Variants in VARS1 observed in about 807,000 individuals in gnomAD.
VARS1 encodes the protein valyl-tRNA synthetase 1.
VARS1 carries 92 observed loss-of-function variants against 161.0 expected under a neutral mutation model. The observed-to-expected ratio is 0.57, with a 90% CI of 0.48 to 0.68. The LOEUF is 0.68. Among genes scored for constraint, VARS1 ranks in the 30% least tolerant of loss-of-function variants. VARS1 has a pLI of 0.00. For synonymous variants in VARS1, 595 were observed against 682.5 expected, an observed-to-expected ratio of 0.87 and a Z score of 2.00; for missense variants, 1,338 against 1,695.9, an observed-to-expected ratio of 0.79 and a Z score of 3.71.
chr6:31,785,235 C>T lies in VARS1; in HGVS notation c.1347+11G>A. 2 of 1,613,052 alleles carry T rather than the reference C, an allele frequency of 1.2e-6. No individual in the cohort carries two copies. Among genetic ancestry groups the T allele is most frequent in the Non-Finnish European group, 1.7e-6 (2 of 1,179,992 alleles). On this transcript the variant is annotated intron_variant, in intron 10 of 29. Transcript: ENST00000375663. This position sits in a 1 kb window ranked among gnomAD's most constrained non-coding sequence, Gnocchi z 6.1. ...TACTCCTGCCCCAGCTTTGACACTC[C>T]TCCCACGCACAGGGTCCATGGTGAA...
Position 31,779,125 on chromosome 6 carries a change from G to A in VARS1, c.3568C>T (p.Gln1190Ter). Reference sequence around the variant, plus strand: ...GCAGGGTCCACCAGCCCCTGAAGCTGCAGGTGGATGGAGCAGCGATCAGAA... The same window carrying A: ...GCAGGGTCCACCAGCCCCTGAAGCTACAGGTGGATGGAGCAGCGATCAGAA... ...LASDRCSIHL[Q>*]LQGLVDPARE... The change falls in exon 29 of 30, where the codon CAG becomes TAG. Residue 1190 changes from glutamine to a stop codon, truncating the protein, a stop_gained. Coordinates refer to ENST00000375663, the MANE Select transcript of VARS1 (RefSeq NM_006295.3). LOFTEE classifies it high-confidence loss of function. This position sits in a 1 kb window ranked among gnomAD's most constrained non-coding sequence, Gnocchi z 9.1. The A allele has an allele frequency of 6.2e-7, 1 of 1,607,672 alleles. No homozygotes were observed. Among genetic ancestry groups the A allele is most frequent in the Non-Finnish European group, 8.5e-7 (1 of 1,177,140 alleles).
intron 8 of VARS1, among the ~76,000 whole-genome samples, chr6:31,787,992 C>T (rs904835297): frequency 6.6e-6 from 1 of 151,008 alleles, no homozygotes; most frequent in Non-Finnish European, 1.5e-5. Flanking sequence ...TGGTGGTGGG[C>T]TCCTATAGTC....
rs1429088519 is a variant in VARS1 at position 31,777,750 on chromosome 6, C to T, written c.3727-88G>A. On this transcript the variant is annotated intron_variant, in intron 29 of 29. Transcript: ENST00000375663. This position sits in a 1 kb window ranked among gnomAD's most constrained non-coding sequence, Gnocchi z 5.8. ...AGGACAACAAAGTTGGAAAGATGAG[C>T]GAGGACCATGGGAGGTCAGTAGCTC... 4.7e-6 allele frequency: 7 copies of T among 1,492,724 alleles called. No homozygotes were observed. The highest frequency in any genetic ancestry group is 6.4e-6 in the Non-Finnish European group (7 of 1,092,982). 92.5% of individuals were successfully genotyped at this position (1,492,724 alleles called of 1,614,324 possible).
At position 31,791,622 on chromosome 6, in the gene VARS1, G is replaced by C; in HGVS notation, c.1088C>G (p.Ser363Cys). 4 of 1,611,748 alleles carry C rather than the reference G, an allele frequency of 2.5e-6. No homozygotes were observed. Among genetic ancestry groups the C allele is most frequent in the Non-Finnish European group, 3.4e-6 (4 of 1,179,232 alleles). The change falls in exon 8 of 30, where the codon TCC (serine) becomes TGC (cysteine). Residue 363 changes from serine to cysteine, a missense_variant. Physicochemically the swap from Ser to Cys is moderately radical, Grantham distance 112 (BLOSUM62 -1). Around this residue, in one of 3 missense-constraint regions of VARS1, gnomAD observed 902 missense variants for 1,090.3 expected, o/e 0.83. Coordinates refer to ENST00000375663, the MANE Select transcript of VARS1 (RefSeq NM_006295.3). The surrounding 1 kb of genome is among the most constrained non-coding windows in gnomAD (Gnocchi z 5.0). ...GHALTNAIQD[S>C]LTRWHRMRGE... is the part of the protein sequence containing the mutation. ...GATAGAAGCTCACCATCGAGTCAGG[G>C]AGTCCTGGATGGCGTTGGTGAGTGC...
Position 31,781,427 on chromosome 6 carries a change from G to C in VARS1, c.2544+54C>G. 3 of 1,598,410 alleles carry C rather than the reference G, an allele frequency of 1.9e-6. No homozygotes were observed. The highest frequency in any genetic ancestry group is 2.2e-5 in the South Asian group (2 of 89,598). On this transcript the variant is annotated intron_variant, in intron 21 of 29. Coordinates refer to ENST00000375663, the MANE Select transcript of VARS1 (RefSeq NM_006295.3). The surrounding 1 kb of genome is among the most constrained non-coding windows in gnomAD (Gnocchi z 6.8). ...CACGCGGGGTCTGCGCTGCAGCACA[G>C]GACGGTAGGAGAGGAGGCTGGGGGC...
chr6:31,793,082 C>A lies in VARS1; in HGVS notation c.426G>T (p.Leu142Phe). 1 of 1,612,562 alleles carries A rather than the reference C, an allele frequency of 6.2e-7. No homozygotes were observed. Among genetic ancestry groups the A allele is most frequent in the Non-Finnish European group, 8.5e-7 (1 of 1,179,918 alleles). The change falls in exon 3 of 30, where the codon TTG (leucine) becomes TTT (phenylalanine). Residue 142 changes from leucine to phenylalanine, a missense_variant. Leu to Phe is a conservative substitution (Grantham distance 22). Coordinates refer to ENST00000375663, the MANE Select transcript of VARS1 (RefSeq NM_006295.3). ...LGALGRALSPLEEWLRLHTYL... is the reference protein window; with the variant it reads ...LGALGRALSPFEEWLRLHTYL... Reference sequence around the variant, plus strand: ...AGGTGTGCAGCCGAAGCCACTCCTCCAAGGGGCTCAGGGCCCTGCCCAGGG... The same window carrying A: ...AGGTGTGCAGCCGAAGCCACTCCTCAAAGGGGCTCAGGGCCCTGCCCAGGG...
rs765943997 is a variant in VARS1, at chr6:31,781,937, A to G, written c.2257T>C (p.Tyr753His). 3.1e-6 allele frequency: 5 copies of G among 1,612,912 alleles called. No individual in the cohort carries two copies. The highest frequency in any genetic ancestry group is 4.2e-6 in the Non-Finnish European group (5 of 1,179,992). Residue 753 changes from tyrosine (Y) to histidine (H), a missense_variant, in exon 19 of 30, where the codon TAC becomes CAC. Around this residue, in one of 3 missense-constraint regions of VARS1, gnomAD observed 902 missense variants for 1,090.3 expected, o/e 0.83. Transcript: ENST00000375663. This position sits in a 1 kb window ranked among gnomAD's most constrained non-coding sequence, Gnocchi z 6.8. The part of the protein sequence containing the change: ...VPPGEDPDGR[Y>H]WVSGRNEAEA... ...GCCTCATTGCGTCCACTCACCCAGTACCGCCCATCAGGGTCCTGCCACAGG... is the reference window on the plus strand; with the variant it reads ...GCCTCATTGCGTCCACTCACCCAGTGCCGCCCATCAGGGTCCTGCCACAGG...
rs1813867679 is a variant in VARS1 at position 31,791,538 on chromosome 6, G to A, written c.1100+72C>T. ...CCAACCCAGAAGGAGAGAGGCTCGG[G>A]GGGCTGTCAGGGAAAAGGAGAGAGC... On this transcript the variant is annotated intron_variant, in intron 8 of 29. Coordinates refer to ENST00000375663, the MANE Select transcript of VARS1 (RefSeq NM_006295.3). This position sits in a 1 kb window ranked among gnomAD's most constrained non-coding sequence, Gnocchi z 5.0. 2 of 1,532,124 alleles carry A rather than the reference G, an allele frequency of 1.3e-6. No individual in the cohort carries two copies. Among genetic ancestry groups the A allele is most frequent in the Non-Finnish European group, 8.8e-7 (1 of 1,140,364 alleles). The allele number at this position is 1,532,124 out of a possible 1,614,324, so 94.9% of individuals were successfully genotyped here.
At chr6:31,786,638 C>T (rs1276435831) in intron 8 of VARS1, among the ~76,000 whole-genome samples, 1 of 135,162 alleles carries the variant, frequency 7.4e-6, no homozygotes, top group African/African-American at 2.8e-5. Flanking sequence ...TGCACTCCAG[C>T]CCGGATGACA....
In VARS1 at chr6:31,779,460, C is replaced by T. The variant is rs772625826; in HGVS notation, c.3365G>A (p.Arg1122Gln). The T allele has an allele frequency of 5.6e-6, 9 of 1,612,590 alleles. No individual in the cohort carries two copies. The highest frequency in any genetic ancestry group is 2.2e-5 in the South Asian group (2 of 91,078). Residue 1122 changes from arginine (R) to glutamine (Q), a missense_variant, in exon 28 of 30, where the codon CGG (arginine) becomes CAG (glutamine). Around this residue, in one of 3 missense-constraint regions of VARS1, gnomAD observed 433 missense variants for 586.2 expected, o/e 0.74. Transcript: ENST00000375663. This position sits in a 1 kb window ranked among gnomAD's most constrained non-coding sequence, Gnocchi z 9.1. ...LSITRAVRSL[R>Q]ADYNLTRIRP... ...GATCCGGGTGAGGTTGTAGTCGGCC[C>T]GCAGGGAGCGCACGGCTCGCGTGAT...
In VARS1 at chr6:31,778,517, GTT is replaced by G. The variant is rs565263152; in HGVS notation, c.3726+448_3726+449del. ...CCAGGATTGGTTTTTGTTTTGTTTTGTTTTTTTTCCAGACAGGGTCTTCTCTC... is the reference window on the plus strand; with the variant it reads ...CCAGGATTGGTTTTTGTTTTGTTTTGTTTTTTCCAGACAGGGTCTTCTCTC... On this transcript the variant is annotated intron_variant, in intron 29 of 29. Coordinates refer to ENST00000375663, the MANE Select transcript of VARS1 (RefSeq NM_006295.3). This position sits in a 1 kb window ranked among gnomAD's most constrained non-coding sequence, Gnocchi z 5.1. Among the ~76,000 whole-genome samples the G allele has an allele frequency of 6.6e-6, 1 of 151,804 alleles. No individual in the cohort carries two copies. The highest frequency in any genetic ancestry group is 6.6e-5 in the Admixed American group (1 of 15,242).
chr6:31,794,999 C>A lies in VARS1; in HGVS notation c.219G>T (p.Thr73=). ...CTGGCCACAGCAGCTGGGCCACAGC[C>A]GTGGCCCCCCACACCCAGAGCCCAC... is the stretch of plus-strand genomic sequence containing the variant. The part of the protein sequence containing the change: ...GPGGLWVWGA[T]AVAQLLWPAG... Residue 73 remains threonine (T), a synonymous_variant, in exon 2 of 30, where the codon ACG becomes ACT. Transcript: ENST00000375663. 6.2e-7 allele frequency: 1 copy of A among 1,605,960 alleles called. No homozygotes were observed. The highest frequency in any genetic ancestry group is 8.5e-7 in the Non-Finnish European group (1 of 1,175,654).
rs760368252 is a variant in VARS1 at position 31,781,704 on chromosome 6, C to A, written c.2405G>T (p.Gly802Val). The change falls in exon 20 of 30, where the codon GGC (glycine) becomes GTC (valine). Residue 802 changes from glycine to valine, a missense_variant. Gly to Val is a moderately radical substitution (Grantham distance 109, BLOSUM62 -3). Around this residue, in one of 3 missense-constraint regions of VARS1, gnomAD observed 902 missense variants for 1,090.3 expected, o/e 0.83. Coordinates refer to ENST00000375663, the MANE Select transcript of VARS1 (RefSeq NM_006295.3). This position sits in a 1 kb window ranked among gnomAD's most constrained non-coding sequence, Gnocchi z 6.8. ...CCAGGAACACACCTGGTTGGGCCAG[C>A]CCAAAATGGATAAGGGGAAGAGGCC... ...SSGLFPLSIL[G>V]WPNQSEDLSV... is the part of the protein sequence containing the mutation. The A allele has an allele frequency of 5.6e-6, 9 of 1,612,912 alleles. No individual in the cohort carries two copies. Among genetic ancestry groups the A allele is most frequent in the Non-Finnish European group, 7.6e-6 (9 of 1,180,012 alleles).
At position 31,784,697 on chromosome 6, in the gene VARS1, C is replaced by T; in HGVS notation, c.1365G>A (p.Val455=). The change falls in exon 11 of 30, where the codon GTG becomes GTA. Residue 455 remains valine, a synonymous_variant. Coordinates refer to ENST00000375663, the MANE Select transcript of VARS1 (RefSeq NM_006295.3). This position sits in a 1 kb window ranked among gnomAD's most constrained non-coding sequence, Gnocchi z 6.1. ...CGTGAAGCCGGACAAAGGCCTCTGT[C>T]ACAGCTGCTGAGAGTTTCTGGGGTG... ...FTMDPKLSAA[V]TEAFVRLHEE... The T allele has an allele frequency of 6.2e-7, 1 of 1,613,008 alleles. No homozygotes were observed. The highest frequency in any genetic ancestry group is 8.5e-7 in the Non-Finnish European group (1 of 1,180,032).
In VARS1 at chr6:31,784,174, T is replaced by C; in HGVS notation, c.1671+40A>G. On this transcript the variant is annotated intron_variant, in intron 13 of 29. Coordinates refer to ENST00000375663, the MANE Select transcript of VARS1 (RefSeq NM_006295.3). This position sits in a 1 kb window ranked among gnomAD's most constrained non-coding sequence, Gnocchi z 6.1. ...CACCCCATAAGGATGGGAGCCCTTT[T>C]TGGCCAGAACTCCTTCCCTAACTGT... The C allele has an allele frequency of 6.2e-7, 1 of 1,612,118 alleles. No individual in the cohort carries two copies.
In VARS1 at chr6:31,782,579, C is replaced by A. The variant is rs1220185975; in HGVS notation, c.1942G>T (p.Gly648Ter). ...KAVLVALKER[G>*]LFRGIEDNPM... ...TTGTCCTCAATGCCACGGAACAGTC[C>A]CCGCTCCTTCAGCGCCACCAGCACC... Residue 648 changes from glycine (G) to a stop codon, truncating the protein, a stop_gained, in exon 16 of 30, where the codon GGA becomes TGA. Coordinates refer to ENST00000375663, the MANE Select transcript of VARS1 (RefSeq NM_006295.3). LOFTEE classifies it high-confidence loss of function. This position sits in a 1 kb window ranked among gnomAD's most constrained non-coding sequence, Gnocchi z 8.3. The A allele has an allele frequency of 6.2e-7, 1 of 1,613,098 alleles. No individual in the cohort carries two copies. The highest frequency in any genetic ancestry group is 2.2e-5 in the East Asian group (1 of 44,890).
At position 31,783,146 on chromosome 6, in the gene VARS1, C is replaced by T. The variant is rs763341394; in HGVS notation, c.1712G>A (p.Arg571Gln). ...TTCATCGAAGACAATGGGAAGGCTC[C>T]GAGACAGGAATGGGTGGATCACGTT... is the stretch of plus-strand genomic sequence containing the variant. ...GKNVIHPFLS[R>Q]SLPIVFDEFV... Residue 571 changes from arginine (R) to glutamine (Q), a missense_variant, in exon 14 of 30, where the codon CGG becomes CAG. Physicochemically the swap from Arg to Gln is conservative, Grantham distance 43. Around this residue, in one of 3 missense-constraint regions of VARS1, gnomAD observed 902 missense variants for 1,090.3 expected, o/e 0.83. Coordinates refer to ENST00000375663, the MANE Select transcript of VARS1 (RefSeq NM_006295.3). The T allele has an allele frequency of 5.0e-6, 8 of 1,612,780 alleles. No homozygotes were observed. The highest frequency in any genetic ancestry group is 4.5e-5 in the East Asian group (2 of 44,882).
In VARS1 at chr6:31,779,620, CG is replaced by C; in HGVS notation, c.3275del (p.Pro1092ArgfsTer21). The C allele has an allele frequency of 6.2e-7, 1 of 1,612,426 alleles. No individual in the cohort carries two copies. Among genetic ancestry groups the C allele is most frequent in the Non-Finnish European group, 8.5e-7 (1 of 1,179,746 alleles). On this transcript the variant is annotated frameshift_variant, in exon 27 of 30. Coordinates refer to ENST00000375663, the MANE Select transcript of VARS1 (RefSeq NM_006295.3). LOFTEE classifies it high-confidence loss of function. The surrounding 1 kb of genome is among the most constrained non-coding windows in gnomAD (Gnocchi z 9.1). ...GGCCATGCCATACCTCTGAGGGCTC[CG>C]GGTAGGGGGTAACACAGAGGCTAGG... ...APPSLCVTPY[P>X]EPSECSWKDP...
rs1023058379 is a variant in VARS1 at position 31,778,884 on chromosome 6, C to T, written c.3726+83G>A. 1.9e-6 allele frequency: 3 copies of T among 1,549,294 alleles called. No individual in the cohort carries two copies. The highest frequency in any genetic ancestry group is 2.7e-6 in the Non-Finnish European group (3 of 1,131,444). ...CTGGTTACGATCAATTAGTTGTCAA[C>T]ACCACTGCACTCGGACCAGCCCAGA... is the stretch of plus-strand genomic sequence containing the variant. On this transcript the variant is annotated intron_variant, in intron 29 of 29. Transcript: ENST00000375663. This position sits in a 1 kb window ranked among gnomAD's most constrained non-coding sequence, Gnocchi z 5.1.
Sources: gnomAD v4.1 joint callset for allele counts (sites outside exome capture counted in the v4.1 genomes callset) on GRCh38, gnomAD v4.1.1 for gene constraint, gnomAD v4.1.1 regional missense constraint, Gnocchi (gnomAD v3.1) non-coding constraint, MANE v1.5 for transcripts, NCBI Gene and HGNC (gene_info 2026-07-23, HGNC 2026-07-21) for gene names.